EDEM1: variants seen among roughly 807,000 people sequenced by gnomAD.
The protein encoded by EDEM1 is ER degradation enhancing alpha-mannosidase like protein 1.
EDEM1 carries 67 observed loss-of-function variants against 74.4 expected under a neutral mutation model. The ratio of observed to expected loss-of-function variants is 0.90; its 90% confidence interval spans 0.74 to 1.10. The LOEUF is 1.10. EDEM1 is among the 50% of genes least tolerant of loss of function. The pLI is 0.00. For synonymous variants in EDEM1, 382 were observed against 335.9 expected (o/e 1.14, Z -1.50); for missense variants, 926 against 851.6 (o/e 1.09, Z -1.09).
rs181706813 is a variant in EDEM1 at position 5,201,011 on chromosome 3, C to T, written c.687-742C>T. On this transcript the variant is annotated intron_variant, in intron 3 of 11. Coordinates refer to ENST00000256497, the MANE Select transcript of EDEM1 (RefSeq NM_014674.3). The stretch of plus-strand genomic sequence containing the variant: ...TCCTGGGCTCAAGCGATCCTCCCAC[C>T]TCAGCCTCCCAAATAGCTGGGACTA... 1.4e-3 allele frequency among the ~76,000 whole-genome samples: 206 copies of T among 152,026 alleles called. 1 individual carries two copies. Among genetic ancestry groups the T allele is most frequent in the African/African-American group, 4.8e-3 (201 of 41,458 alleles).
At chr3:5,198,348 G>A (rs149353956) in intron 2 of EDEM1, among the ~76,000 whole-genome samples, 7 of 152,234 alleles carry the variant, frequency 4.6e-5, no homozygotes, top group African/African-American at 9.6e-5. Flanking sequence ...GTGTCCAGCC[G>A]GTTGACTCTC....
At chr3:5,206,084 TTCTC>T (rs994470328) in intron 6 of EDEM1, among the ~76,000 whole-genome samples, 3 of 152,210 alleles carry the variant, frequency 2.0e-5, no homozygotes, top group Non-Finnish European at 4.4e-5. Context: ...ACATTTTTTT[TTCTC>T]TCTGAGTTTG....
rs546923118 is a variant in EDEM1, at chr3:5,198,249, A to G, written c.583-1343A>G. 1.4e-3 allele frequency among the ~76,000 whole-genome samples: 216 copies of G among 152,236 alleles called. 1 individual carries two copies. The highest frequency in any genetic ancestry group is 4.9e-3 in the African/African-American group (204 of 41,548). On this transcript the variant is annotated intron_variant, in intron 2 of 11. Transcript: ENST00000256497. ...TTTTTAGTAGAGACAAGGTTTTGCC[A>G]TGTTGGCCAGGCTGGTTTTGAACTC...
chr3:5,211,982 A>C (rs2055174375), intron 10 of EDEM1, among the ~76,000 whole-genome samples: 2 of 152,132 alleles, frequency 1.3e-5, no homozygotes, highest in African/African-American at 4.8e-5. Flanking sequence ...AGAAGATAGC[A>C]TGGCAACTGA....
chr3:5,208,768 T>TACAC (rs200676068), intron 8 of EDEM1, among the ~76,000 whole-genome samples: 34 of 151,124 alleles, frequency 2.2e-4, no homozygotes, highest in African/African-American at 7.8e-4. Flanking sequence ...TGTATATATA[T>TACAC]ATACACACAC....
chr3:5,215,092 G>T (rs917995505), intron 11 of EDEM1, among the ~76,000 whole-genome samples: 2 of 152,104 alleles, frequency 1.3e-5, no homozygotes, highest in Non-Finnish European at 2.9e-5. Context: ...GGGCAGTCGG[G>T]ACCAATGGAA....
intron 1 of EDEM1, among the ~76,000 whole-genome samples, chr3:5,188,976 G>C (rs1333130730): frequency 1.3e-5 from 2 of 152,130 alleles, no homozygotes; most frequent in Non-Finnish European, 2.9e-5. Context: ...CAGATTGACT[G>C]TCAACGTCAT....
intron 6 of EDEM1, 96 bp downstream of exon 6, chr3:5,205,337 G>T (rs77409038): frequency 4.8e-6 from 6 of 1,262,086 alleles, no homozygotes; most frequent in African/African-American, 4.5e-5. Flanking sequence ...CACAGGGTCT[G>T]TTTATCTCTG....
rs769888874 is a variant in EDEM1 at position 5,199,696 on chromosome 3, G to C, written c.686+1G>C. 5 of 1,606,330 alleles carry C rather than the reference G, an allele frequency of 3.1e-6. No homozygotes were observed. The highest frequency in any genetic ancestry group is 4.3e-6 in the Non-Finnish European group (5 of 1,176,102). On this transcript the variant is annotated splice_donor_variant, in intron 3 of 11. Transcript: ENST00000256497. LOFTEE classifies it high-confidence loss of function. Reference sequence around the variant, plus strand: ...TCCAAGTCTTTGAGGCCACGATAAGGTAAAATAATGAATATTCATAAAATG... The same window carrying C: ...TCCAAGTCTTTGAGGCCACGATAAGCTAAAATAATGAATATTCATAAAATG...
rs141638454 is a variant in EDEM1 at position 5,209,213 on chromosome 3, G to A, written c.1509+950G>A. On this transcript the variant is annotated intron_variant, in intron 8 of 11. Transcript: ENST00000256497. Reference sequence around the variant, plus strand: ...AAGAAATCCTGTGAAACTGGTAGTAGTCCTCATGCCTAAAAAGGGACTTCA... The same window carrying A: ...AAGAAATCCTGTGAAACTGGTAGTAATCCTCATGCCTAAAAAGGGACTTCA... Among the ~76,000 whole-genome samples the A allele has an allele frequency of 4.1e-3, 620 of 152,252 alleles. 6 individuals carry two copies. The highest frequency in any genetic ancestry group is 6.1e-3 in the Non-Finnish European group (417 of 68,018).
intron 2 of EDEM1, among the ~76,000 whole-genome samples, chr3:5,198,955 T>TA (rs1390622692): frequency 6.6e-6 from 1 of 152,196 alleles, no homozygotes; most frequent in East Asian, 1.9e-4. Flanking sequence ...ACGTCGTATC[T>TA]ACATACCCAA....
At chr3:5,211,071 G>T (rs2055161168) in intron 9 of EDEM1, 49 bp from the exon 10 acceptor site, 1 of 1,527,654 alleles carries the variant, frequency 6.5e-7, no homozygotes, top group South Asian at 1.1e-5. Context: ...AAGTGAATCA[G>T]CAGGTGGGAA....
At chr3:5,195,706 G>A (rs1227070922) in intron 2 of EDEM1, among the ~76,000 whole-genome samples, 1 of 152,168 alleles carries the variant, frequency 6.6e-6, no homozygotes, top group African/African-American at 2.4e-5. Flanking sequence ...GAGCCCTAGC[G>A]CCCATCCTTA....
At chr3:5,188,366 C>A in intron 1 of EDEM1, 52 bp downstream of exon 1, 1 of 1,364,526 alleles carries the variant, frequency 7.3e-7, no homozygotes. Context: ...TCCTTCCGCC[C>A]TCCGCGCCGG....
At chr3:5,210,986 C>A in intron 9 of EDEM1, 134 bp from the exon 10 acceptor site, 2 of 803,788 alleles carry the variant, frequency 2.5e-6, no homozygotes, top group Non-Finnish European at 3.9e-6. Context: ...AGGAGAGCCC[C>A]TCAATGTAAA....
chr3:5,205,384 C>T (rs1308347486), intron 6 of EDEM1, 143 bp downstream of exon 6: 1 of 823,360 alleles, frequency 1.2e-6, no homozygotes, highest in African/African-American at 1.7e-5. Flanking sequence ...TGTCAGTCAT[C>T]TGGGGGCAAA....
At chr3:5,194,921 AC>A (rs2054945619) in intron 1 of EDEM1, among the ~76,000 whole-genome samples, 1 of 152,142 alleles carries the variant, frequency 6.6e-6, no homozygotes, top group Admixed American at 6.5e-5. Context: ...ATGGTGATAA[AC>A]CTGAATCTCA....
At position 5,217,534 on chromosome 3, in the gene EDEM1, G is replaced by A. The variant is rs1447063438; in HGVS notation, c.*1616G>A. On this transcript the variant is annotated 3_prime_UTR_variant, in exon 12 of 12. Transcript: ENST00000256497. The stretch of plus-strand genomic sequence containing the variant: ...TCTTATTCCTTCTTGAAAATTTTAA[G>A]TGTTATGGTTTTATATAGTTCAGTT... 1.3e-5 allele frequency: 2 copies of A among 152,544 alleles called. No homozygotes were observed. Among genetic ancestry groups the A allele is most frequent in the Non-Finnish European group, 2.9e-5 (2 of 68,030 alleles). 9.4% of individuals were successfully genotyped at this position (152,544 alleles called of 1,614,324 possible).
At chr3:5,208,559 C>A (rs1309190322) in intron 8 of EDEM1, among the ~76,000 whole-genome samples, 1 of 152,134 alleles carries the variant, frequency 6.6e-6, no homozygotes, top group African/African-American at 2.4e-5. Flanking sequence ...AGATTTGGTA[C>A]TAAGGTGTTT....
Sources: gnomAD v4.1 joint callset for allele counts (sites outside exome capture counted in the v4.1 genomes callset) on GRCh38, gnomAD v4.1.1 for gene constraint, MANE v1.5 for transcripts, NCBI Gene and HGNC (gene_info 2026-07-23, HGNC 2026-07-21) for gene names.